The following VPS53 variants were observed in gnomAD, a reference collection of about 807,000 sequenced individuals.
VPS53 encodes vacuolar protein sorting-associated protein 53 homolog.
In VPS53, 70 loss-of-function variants were observed where a neutral mutation model predicts 107.0. The observed-to-expected ratio is 0.65, with a 90% confidence interval of 0.54 to 0.80. The LOEUF (loss-of-function observed/expected upper bound fraction) is 0.80, where lower values mean the gene tolerates loss of function less well. VPS53 is among the 30% of genes least tolerant of loss of function. The probability of loss-of-function intolerance (pLI) is 0.00; values close to 1 mark genes in which losing one functional copy is unlikely to be tolerated. For missense variants in VPS53, 917 were observed against 1,049.4 expected (o/e 0.87, Z 1.74); for synonymous variants, 409 against 393.3 (o/e 1.04, Z -0.47).
At chr17:621,549 C>T (rs964033741) in intron 11 of VPS53, among the ~76,000 whole-genome samples, 3 of 152,144 alleles carry the variant, frequency 2.0e-5, no homozygotes, top group African/African-American at 7.2e-5. Context: ...GTATACTAGC[C>T]CTAAAATCCT....
At chr17:562,399 T>G in intron 14 of VPS53, 104 bp downstream of exon 14, 2 of 1,511,120 alleles carry the variant, frequency 1.3e-6, no homozygotes, top group South Asian at 1.2e-5. Context: ...CTTTCCTCCT[T>G]GATACTCTTG....
intron 11 of VPS53, among the ~76,000 whole-genome samples, chr17:611,312 C>A (rs1214038058): frequency 6.6e-6 from 1 of 152,166 alleles, no homozygotes; most frequent in Non-Finnish European, 1.5e-5. Context: ...CCACACCCAG[C>A]TGAATAGACA....
At chr17:650,312 TAAG>T (rs747461814) in intron 7 of VPS53, among the ~76,000 whole-genome samples, 30 of 151,846 alleles carry the variant, frequency 2.0e-4, no homozygotes, top group Middle Eastern at 3.4e-3. Flanking sequence ...CTGGGCAACA[TAAG>T]AAGATCCCAC....
intron 2 of VPS53, among the ~76,000 whole-genome samples, chr17:699,678 G>A (rs758213439): frequency 2.0e-5 from 3 of 152,184 alleles, no homozygotes; most frequent in African/African-American, 7.2e-5. Flanking sequence ...CGTGAAAGAC[G>A]CTGTACAGCC....
intron 13 of VPS53, among the ~76,000 whole-genome samples, chr17:576,784 G>A (rs908336060): frequency 2.8e-5 from 4 of 144,450 alleles, no homozygotes; most frequent in African/African-American, 1.0e-4. Flanking sequence ...GAACCTCAGT[G>A]CATTTCCAGA....
At chr17:588,452 T>TA (rs1379772743) in intron 12 of VPS53, among the ~76,000 whole-genome samples, 5 of 152,164 alleles carry the variant, frequency 3.3e-5, no homozygotes, top group South Asian at 2.1e-4. Flanking sequence ...TTCTGGCCTT[T>TA]AAAAAAATTT....
chr17:710,388 C>A (rs1163966651), intron 2 of VPS53, 145 bp downstream of exon 2: 1 of 641,102 alleles, frequency 1.6e-6, no homozygotes, highest in Non-Finnish European at 2.8e-6. Context: ...CTCACTGCCC[C>A]AGCTGGTGAT....
chr17:556,934 G>A (rs78314761), intron 15 of VPS53, among the ~76,000 whole-genome samples: 1 of 39,994 alleles, frequency 2.5e-5, no homozygotes, highest in Non-Finnish European at 5.9e-5. Flanking sequence ...GCCAGGAGGG[G>A]CTCTCTGAGG....
chr17:586,210 C>G lies in VPS53; in HGVS notation c.1313+60G>C, dbSNP rs1020597201. 2.4e-5 allele frequency: 36 copies of G among 1,520,158 alleles called. No homozygotes were observed. In the African/African-American group the frequency reaches 4.8e-4, roughly 20 times the overall value. 94.2% of individuals were successfully genotyped at this position (1,520,158 alleles called of 1,614,324 possible). On this transcript the variant is annotated intron_variant, in intron 13 of 21. Transcript: ENST00000437048. ...GGAAGGAGCTGTGCGCTCCTAAGAC[C>G]CAGTCATGACCAGAGCGGCGAGAAA...
chr17:557,983 C>T (rs1912589928), intron 15 of VPS53, among the ~76,000 whole-genome samples: 1 of 151,864 alleles, frequency 6.6e-6, no homozygotes, highest in African/African-American at 2.4e-5. Context: ...CCTCAGCTTC[C>T]CAAGTAGCTG....
chr17:553,541 C>A, intron 15 of VPS53, 79 bp from the exon 16 acceptor site: 1 of 1,063,192 alleles, frequency 9.4e-7, no homozygotes. Context: ...TTAACATTTA[C>A]TGCGTTTGAT....
At chr17:569,940 T>C (rs1002677204) in intron 13 of VPS53, among the ~76,000 whole-genome samples, 2 of 150,812 alleles carry the variant, frequency 1.3e-5, no homozygotes, top group African/African-American at 4.9e-5. Flanking sequence ...TCATTGTCAA[T>C]CATCTTAGTA....
intron 7 of VPS53, among the ~76,000 whole-genome samples, chr17:634,460 TA>T (rs1295783255): frequency 2.0e-5 from 3 of 152,024 alleles, no homozygotes; most frequent in Non-Finnish European, 2.9e-5. Flanking sequence ...GTTCGTTACA[TA>T]TGTATACATG....
intron 7 of VPS53, among the ~76,000 whole-genome samples, chr17:642,726 C>T (rs1970481052): frequency 6.7e-6 from 1 of 150,044 alleles, no homozygotes; most frequent in Non-Finnish European, 1.5e-5. Flanking sequence ...GAGGACAACA[C>T]TCATACTTGG....
At position 714,644 on chromosome 17, in the gene VPS53, C is replaced by G. The variant is rs371164327; in HGVS notation, c.66G>C (p.Glu22Asp). ...ELEAVLQLTP[E>D]VQLAIEQVFP... ...TTACCTGCTCGATGGCCAGCTGCAC[C>G]TCGGGCGTGAGCTGCAGCACGGCTT... The change falls in exon 1 of 22, where the codon GAG (glutamate) becomes GAC (aspartate). Residue 22 changes from glutamate to aspartate, a missense_variant. Physicochemically the swap from Glu to Asp is conservative, Grantham distance 45. Transcript: ENST00000437048. The G allele has an allele frequency of 1.2e-6, 2 of 1,612,908 alleles. No individual in the cohort carries two copies. The highest frequency in any genetic ancestry group is 1.7e-6 in the Non-Finnish European group (2 of 1,179,496).
At chr17:532,769 T>C (rs1414826387) in intron 19 of VPS53, 73 bp downstream of exon 19, 1 of 1,582,006 alleles carries the variant, frequency 6.3e-7, no homozygotes. Context: ...CAAGTAGATC[T>C]GGACTAGAAG....
At chr17:642,227 T>C (rs966292472) in intron 7 of VPS53, among the ~76,000 whole-genome samples, 4 of 152,162 alleles carry the variant, frequency 2.6e-5, no homozygotes, top group African/African-American at 9.7e-5. Flanking sequence ...ATAAAGAATC[T>C]CAGCCTAGAA....
chr17:672,175 A>AGCTCTCTCTCTCTC (rs1971987159), intron 4 of VPS53, among the ~76,000 whole-genome samples: 1 of 107,068 alleles, frequency 9.3e-6, no homozygotes, highest in Non-Finnish European at 1.9e-5. Context: ...CACAATCTCA[A>AGCTCTCTCTCTCTC]TCTCTCTCTC....
rs7217763 is a variant in VPS53, at chr17:518,197, A to G, written c.*931T>C. 0.63 allele frequency: 95,748 copies of G among 150,924 alleles called. 32,642 individuals carry two copies. Among genetic ancestry groups the G allele is most frequent in the African/African-American group, 0.89 (36,748 of 41,490 alleles). The allele number at this position is 150,924 out of a possible 1,614,324, so 9.3% of individuals were successfully genotyped here. A position where few individuals can be genotyped will look rare whatever the true frequency, so the allele number is the denominator to read the frequency against. On this transcript the variant is annotated 3_prime_UTR_variant, in exon 22 of 22. Coordinates refer to ENST00000437048, the MANE Select transcript of VPS53 (RefSeq NM_001128159.3). ...AGGGTTAACGGCTTGATATGCTGCCATTCTCTGGATGCAGGATGACATGAG... is the reference window on the plus strand; with the variant it reads ...AGGGTTAACGGCTTGATATGCTGCCGTTCTCTGGATGCAGGATGACATGAG...
Sources: allele counts gnomAD v4.1 joint callset (sites outside exome capture counted in the v4.1 genomes callset), GRCh38; gene constraint gnomAD v4.1.1; transcripts MANE v1.5; gene names NCBI Gene and HGNC (gene_info 2026-07-23, HGNC 2026-07-21).